The following SYT2 variants were observed in gnomAD, a reference collection of about 807,000 sequenced individuals.
SYT2 encodes synaptotagmin 2.
Under a neutral mutation model 39.9 loss-of-function variants are expected in SYT2, and 15 were observed. The observed-to-expected ratio is 0.38, with a 90% CI of 0.25 to 0.58. The LOEUF is 0.58. SYT2 is among the 20% of genes least tolerant of loss of function. The pLI is 0.70. For missense variants in SYT2, 389 were observed against 530.3 expected (o/e 0.73, Z 2.62); for synonymous variants, 181 against 204.5 (o/e 0.89, Z 0.98).
At chr1:202,659,629 G>T (rs181008658) in intron 1 of SYT2, among the ~76,000 whole-genome samples, 69 of 152,332 alleles carry the variant, frequency 4.5e-4, no homozygotes, top group African/African-American at 1.6e-3. Context: ...CCCAATTTGG[G>T]CACAGCAGGT....
In SYT2 at chr1:202,614,708, G is replaced by A. The variant is rs1690983898; in HGVS notation, c.-17-8919C>T. On this transcript the variant is annotated intron_variant, in intron 1 of 8. Coordinates refer to ENST00000367268, the MANE Select transcript of SYT2 (RefSeq NM_177402.5). This position sits in a 1 kb window ranked among gnomAD's most constrained non-coding sequence, Gnocchi z 4.0. Reference sequence around the variant, plus strand: ...ACCTGAAGGGTGAGTATTTATCCAGGTAAAGAGGAGATGAAAGGGCAGCCT... The same window carrying A: ...ACCTGAAGGGTGAGTATTTATCCAGATAAAGAGGAGATGAAAGGGCAGCCT... Among the ~76,000 whole-genome samples the A allele has an allele frequency of 6.6e-6, 1 of 152,206 alleles. No homozygotes were observed. The highest frequency in any genetic ancestry group is 2.4e-5 in the African/African-American group (1 of 41,448).
chr1:202,648,820 G>A (rs185606570), intron 1 of SYT2, among the ~76,000 whole-genome samples: 245 of 152,334 alleles, frequency 1.6e-3, no homozygotes, highest in African/African-American at 5.5e-3. Flanking sequence ...GACAAAACAA[G>A]CAAGTCTGCA....
chr1:202,657,558 G>A (rs1190850339), intron 1 of SYT2, among the ~76,000 whole-genome samples: 2 of 152,174 alleles, frequency 1.3e-5, no homozygotes, highest in Non-Finnish European at 2.9e-5. Flanking sequence ...TGGTGTGGCG[G>A]TCACTGCATT....
At position 202,621,617 on chromosome 1, in the gene SYT2, AAG is replaced by A. The variant is rs111585817; in HGVS notation, c.-17-15830_-17-15829del. Among the ~76,000 whole-genome samples the A allele has an allele frequency of 7.3e-3, 1,119 of 152,272 alleles. 22 individuals are homozygous for A. Among genetic ancestry groups the A allele is most frequent in the African/African-American group, 0.025 (1,029 of 41,536 alleles). On this transcript the variant is annotated intron_variant, in intron 1 of 8. Coordinates refer to ENST00000367268, the MANE Select transcript of SYT2 (RefSeq NM_177402.5). ...GGCATGAGCCACTGCGCCCAGCCAA[AAG>A]AGAGAACAAATGAGTGGGTTTGTGT...
chr1:202,672,958 CT>C (rs1006458191), intron 1 of SYT2, among the ~76,000 whole-genome samples: 2 of 151,756 alleles, frequency 1.3e-5, no homozygotes, highest in Non-Finnish European at 2.9e-5. Flanking sequence ...AAGAAAAAGT[CT>C]TAAAAATGTA....
intron 1 of SYT2, among the ~76,000 whole-genome samples, chr1:202,693,172 A>G (rs1279187372): frequency 6.6e-6 from 1 of 152,192 alleles, no homozygotes; most frequent in Non-Finnish European, 1.5e-5. Context: ...GAACCTCCCC[A>G]TCTGGAGAAG....
intron 1 of SYT2, among the ~76,000 whole-genome samples, chr1:202,641,528 T>A (rs1228658665): frequency 6.6e-6 from 1 of 152,252 alleles, no homozygotes; most frequent in Non-Finnish European, 1.5e-5. Flanking sequence ...CTGGGACTCG[T>A]CCGCAACACC....
At chr1:202,651,568 G>C (rs1692194356) in intron 1 of SYT2, among the ~76,000 whole-genome samples, 1 of 152,180 alleles carries the variant, frequency 6.6e-6, no homozygotes, top group South Asian at 2.1e-4. Context: ...GCAGTGACTA[G>C]ATTTGATTCC....
intron 1 of SYT2, among the ~76,000 whole-genome samples, chr1:202,704,856 C>G (rs1283265599): frequency 6.6e-6 from 1 of 152,220 alleles, no homozygotes; most frequent in Non-Finnish European, 1.5e-5. Flanking sequence ...TGGGGCCTCC[C>G]TCCTTGCTTC....
intron 1 of SYT2, among the ~76,000 whole-genome samples, chr1:202,685,308 C>G (rs1032800140): frequency 1.3e-5 from 2 of 152,138 alleles, no homozygotes; most frequent in African/African-American, 2.4e-5. Context: ...TGCCCCCCAC[C>G]ACCACCTGCT....
intron 1 of SYT2, among the ~76,000 whole-genome samples, chr1:202,687,271 C>T (rs1159007450): frequency 1.3e-5 from 2 of 152,090 alleles, no homozygotes; most frequent in African/African-American, 4.8e-5. Flanking sequence ...TTCTTATCAC[C>T]CTTGAACTCC....
chr1:202,618,852 C>T (rs1287550870), intron 1 of SYT2, among the ~76,000 whole-genome samples: 1 of 152,128 alleles, frequency 6.6e-6, no homozygotes, highest in African/African-American at 2.4e-5. Context: ...CCCCTGTCAC[C>T]TGGCTCTGCT....
chr1:202,640,790 G>T (rs6665920), intron 1 of SYT2, among the ~76,000 whole-genome samples: 2 of 120,016 alleles, frequency 1.7e-5, no homozygotes, highest in African/African-American at 6.3e-5. Flanking sequence ...GAGAGAGAGA[G>T]AGACAGACAG....
chr1:202,600,496 C>G (rs543303662), intron 6 of SYT2, 22 bp from the exon 7 acceptor site: 2 of 1,611,250 alleles, frequency 1.2e-6, no homozygotes, highest in African/African-American at 2.7e-5. Context: ...AAGAGCAGGA[C>G]TTGGGTCATC....
intron 1 of SYT2, among the ~76,000 whole-genome samples, chr1:202,616,280 C>T (rs1691028777): frequency 6.6e-6 from 1 of 152,176 alleles, no homozygotes; most frequent in Admixed American, 6.5e-5. Flanking sequence ...AGGGCTTTTC[C>T]TCTGGTTAAG....
rs569557009 is a variant in SYT2 at position 202,625,468 on chromosome 1, G to C, written c.-17-19679C>G. Among the ~76,000 whole-genome samples the C allele has an allele frequency of 1.5e-3, 166 of 108,646 alleles. 2 individuals are homozygous for C. Among genetic ancestry groups the C allele is most frequent in the African/African-American group, 5.2e-3 (157 of 30,108 alleles). 71.3% of individuals were successfully genotyped at this position (108,646 alleles called of 152,430 possible). On this transcript the variant is annotated intron_variant, in intron 1 of 8. Transcript: ENST00000367268. ...GGTGTTGCCAGTGTGCGGGGAGGGGGAAGGGGGCAGGGGCAGGAGCCCGGG... is the reference window on the plus strand; with the variant it reads ...GGTGTTGCCAGTGTGCGGGGAGGGGCAAGGGGGCAGGGGCAGGAGCCCGGG...
intron 1 of SYT2, among the ~76,000 whole-genome samples, chr1:202,654,790 G>C (rs1163054479): frequency 6.6e-6 from 1 of 152,186 alleles, no homozygotes; most frequent in Non-Finnish European, 1.5e-5. Context: ...AGGCTTGAAG[G>C]CTGGGCCAAA....
chr1:202,611,851 A>G (rs1690890883), intron 1 of SYT2, among the ~76,000 whole-genome samples: 1 of 152,094 alleles, frequency 6.6e-6, no homozygotes, highest in Non-Finnish European at 1.5e-5. Context: ...ATTCAAGTCT[A>G]CAAGCCACTT....
chr1:202,679,369 C>G (rs1167333285), intron 1 of SYT2, among the ~76,000 whole-genome samples: 1 of 152,194 alleles, frequency 6.6e-6, no homozygotes. Flanking sequence ...TCAAACTCCC[C>G]ATATCCAAAC....
Sources: allele counts gnomAD v4.1 joint callset (sites outside exome capture counted in the v4.1 genomes callset), GRCh38; gene constraint gnomAD v4.1.1; non-coding constraint Gnocchi (gnomAD v3.1); transcripts MANE v1.5; gene names NCBI Gene and HGNC (gene_info 2026-07-23, HGNC 2026-07-21).